Variants in LAMC3 observed in about 807,000 individuals in gnomAD.
LAMC3 encodes laminin subunit gamma-3.
In LAMC3, 128 loss-of-function variants were observed where a neutral mutation model predicts 173.8. That is an observed-to-expected ratio of 0.74 (90% CI 0.64 to 0.85). LAMC3 has a LOEUF of 0.85. LAMC3 is among the 40% of genes least tolerant of loss of function. The probability of loss-of-function intolerance (pLI) is 0.00; values close to 1 mark genes in which losing one functional copy is unlikely to be tolerated. For missense variants in LAMC3, 2,022 were observed against 2,156.0 expected (o/e 0.94, Z 1.23); for synonymous variants, 897 against 909.1 (o/e 0.99, Z 0.24).
chr9:131,045,104 C>G (rs1834124662), intron 7 of LAMC3, among the ~76,000 whole-genome samples: 1 of 151,976 alleles, frequency 6.6e-6, no homozygotes, highest in South Asian at 2.1e-4. Context: ...CGCCTGCAAT[C>G]CCAGCTACCC....
chr9:131,042,032 A>G (rs1834065850), intron 7 of LAMC3, among the ~76,000 whole-genome samples: 2 of 152,222 alleles, frequency 1.3e-5, no homozygotes, highest in Non-Finnish European at 2.9e-5. Flanking sequence ...AGGAGAGACC[A>G]TCTAATCCAG....
At chr9:131,011,296 A>T (rs1009775477) in intron 1 of LAMC3, among the ~76,000 whole-genome samples, 6 of 152,226 alleles carry the variant, frequency 3.9e-5, no homozygotes, top group African/African-American at 1.4e-4. Context: ...ACTGTATCCC[A>T]TGTTTCAGCT....
intron 1 of LAMC3, among the ~76,000 whole-genome samples, chr9:131,025,123 T>C (rs1260968321): frequency 1.3e-5 from 2 of 152,116 alleles, no homozygotes; most frequent in Non-Finnish European, 2.9e-5. Context: ...CAGCTCGAAC[T>C]GTGGAAGGCG....
intron 20 of LAMC3, among the ~76,000 whole-genome samples, chr9:131,074,699 GAA>G (rs67374198): frequency 0.21 from 26,811 of 129,606 alleles, 3,355 homozygotes; most frequent in African/African-American, 0.38. Context: ...CCATCTCAAA[GAA>G]AAAAAAAAAA....
intron 6 of LAMC3, among the ~76,000 whole-genome samples, chr9:131,040,864 A>G (rs1180082564): frequency 1.3e-5 from 2 of 151,902 alleles, no homozygotes; most frequent in Non-Finnish European, 2.9e-5. Context: ...CTCCCACAAC[A>G]CGTATCGCGG....
chr9:131,040,760 C>T (rs186299470), intron 6 of LAMC3, among the ~76,000 whole-genome samples: 1 of 152,256 alleles, frequency 6.6e-6, no homozygotes, highest in Non-Finnish European at 1.5e-5. Flanking sequence ...CTGAGCAGCC[C>T]CGCTCTCGGG....
At chr9:131,062,020 C>T (rs1829836667) in intron 13 of LAMC3, among the ~76,000 whole-genome samples, 1 of 152,046 alleles carries the variant, frequency 6.6e-6, no homozygotes, top group Non-Finnish European at 1.5e-5. Flanking sequence ...CACTGCACTC[C>T]AGCCTGGGTG....
chr9:131,087,853 G>A, intron 27 of LAMC3, 36 bp downstream of exon 27: 1 of 1,558,144 alleles, frequency 6.4e-7, no homozygotes, highest in Non-Finnish European at 8.8e-7. Context: ...TGAACCCCTG[G>A]GTCCCTGGGG....
intron 15 of LAMC3, among the ~76,000 whole-genome samples, chr9:131,068,629 AC>A (rs1829984215): frequency 6.6e-6 from 1 of 152,144 alleles, no homozygotes. Flanking sequence ...CAGAGCTCTT[AC>A]TATGCTGATT....
intron 1 of LAMC3, among the ~76,000 whole-genome samples, chr9:131,012,258 T>C (rs118147471): frequency 2.0e-5 from 3 of 152,084 alleles, no homozygotes; most frequent in Non-Finnish European, 4.4e-5. Context: ...CAGAATAGGA[T>C]AGAAATCACG....
intron 12 of LAMC3, among the ~76,000 whole-genome samples, 172 bp from the exon 13 acceptor site, chr9:131,060,863 A>C (rs1829794263): frequency 6.6e-6 from 1 of 152,092 alleles, no homozygotes; most frequent in Admixed American, 6.5e-5. Context: ...GACATGAACC[A>C]GGTGGTCCAG....
intron 7 of LAMC3, among the ~76,000 whole-genome samples, chr9:131,042,947 A>G (rs971831037): frequency 6.9e-6 from 1 of 144,420 alleles, no homozygotes; most frequent in African/African-American, 2.8e-5. Flanking sequence ...ACCATGGCAG[A>G]CATCACTGAT....
At chr9:131,086,246 T>A (rs543633274) in intron 25 of LAMC3, among the ~76,000 whole-genome samples, 2 of 152,010 alleles carry the variant, frequency 1.3e-5, no homozygotes, top group East Asian at 3.9e-4. Flanking sequence ...ACCTGGCTAA[T>A]TTTTGTATTT....
chr9:131,056,386 A>G (rs145027798), intron 11 of LAMC3, among the ~76,000 whole-genome samples: 2,071 of 152,146 alleles, frequency 0.014, 18 homozygotes, highest in Middle Eastern at 0.034. Context: ...TTAAATCTAT[A>G]TATCGTTAAT....
chr9:131,074,047 T>C (rs964715109), intron 20 of LAMC3, among the ~76,000 whole-genome samples: 2 of 149,302 alleles, frequency 1.3e-5, no homozygotes, highest in African/African-American at 2.5e-5. Flanking sequence ...CCCGGGTTCG[T>C]GCCATTCTCC....
chr9:131,023,065 G>A (rs1833655766), intron 1 of LAMC3, among the ~76,000 whole-genome samples: 1 of 152,088 alleles, frequency 6.6e-6, no homozygotes, highest in Non-Finnish European at 1.5e-5. Context: ...GCCACTTAAC[G>A]TTCTCGTGGT....
rs755770239 is a variant in LAMC3, at chr9:131,039,230, T to C, written c.1265T>C (p.Leu422Pro). 1 of 1,605,672 alleles carries C rather than the reference T, an allele frequency of 6.2e-7. No individual in the cohort carries two copies. The highest frequency in any genetic ancestry group is 2.2e-5 in the East Asian group (1 of 44,870). The change falls in exon 6 of 28, where the codon CTC becomes CCC. Residue 422 changes from leucine to proline, a missense_variant. Transcript: ENST00000361069. ...CGCTGTCTGCCCGGGTTCCACTCGC[T>C]CAGTGAGGGAGGCTGCAGGTGAGGG... is the stretch of plus-strand genomic sequence containing the variant. The part of the protein sequence containing the change: ...CDRCLPGFHS[L>P]SEGGCRPCTC...
intron 8 of LAMC3, among the ~76,000 whole-genome samples, chr9:131,046,507 C>G (rs1010545315): frequency 1.8e-5 from 2 of 108,154 alleles, no homozygotes; most frequent in African/African-American, 3.1e-5. Flanking sequence ...CCATGCCGAG[C>G]TAATTTTTGT....
intron 7 of LAMC3, among the ~76,000 whole-genome samples, chr9:131,043,610 C>T (rs948914945): frequency 6.6e-6 from 1 of 152,126 alleles, no homozygotes; most frequent in Admixed American, 6.6e-5. Context: ...AAGTCAAATC[C>T]ACGAATCCAT....
Sources: allele counts gnomAD v4.1 joint callset (sites outside exome capture counted in the v4.1 genomes callset), GRCh38; gene constraint gnomAD v4.1.1; transcripts MANE v1.5; gene names NCBI Gene and HGNC (gene_info 2026-07-23, HGNC 2026-07-21).